CACNA1C: variants seen among roughly 807,000 people sequenced by gnomAD.
The protein encoded by CACNA1C is calcium voltage-gated channel subunit alpha1 C, also known as voltage-dependent L-type calcium channel subunit alpha-1C.
Under a neutral mutation model 229.0 loss-of-function variants are expected in CACNA1C, and 30 were observed. That is an observed-to-expected ratio of 0.13 (90% CI 0.10 to 0.18). The LOEUF (loss-of-function observed/expected upper bound fraction) is 0.18. CACNA1C is among the 10% of genes least tolerant of loss of function. CACNA1C has a pLI of 1.00. For synonymous variants in CACNA1C, 1,114 were observed against 1,132.5 expected (o/e 0.98, Z 0.33); for missense variants, 1,658 against 2,845.0 (o/e 0.58, Z 9.49).
intron 3 of CACNA1C, among the ~76,000 whole-genome samples, chr12:2,343,185 T>C (rs59604191): frequency 0.042 from 6,400 of 152,256 alleles, 342 homozygotes; most frequent in African/African-American, 0.12. Context: ...CCCAACCTTC[T>C]TTCTAGTTTG....
intron 3 of CACNA1C, among the ~76,000 whole-genome samples, chr12:2,305,950 A>C (rs902283859): frequency 1.3e-5 from 2 of 152,250 alleles, no homozygotes; most frequent in Middle Eastern, 3.4e-3. Context: ...TAAATATATT[A>C]CTCATATTAG....
chr12:2,457,668 G>A lies in CACNA1C; in HGVS notation c.719G>A (p.Arg240His). Residue 240 changes from arginine to histidine, a missense_variant, in exon 5 of 47, where the codon CGC (arginine) becomes CAC (histidine). Physicochemically the swap from Arg to His is conservative, Grantham distance 29 (BLOSUM62 0). This residue lies in a region of CACNA1C where 7 missense variants were observed against 72.4 expected (regional missense o/e 0.10). Coordinates refer to ENST00000399655, the MANE Select transcript of CACNA1C (RefSeq NM_000719.7). Reference protein sequence around the residue: ...GFDVKALRAFRVLRPLRLVSG... With the variant: ...GFDVKALRAFHVLRPLRLVSG... Reference sequence around the variant, plus strand: ...GATGTGAAGGCGCTGAGGGCCTTCCGCGTGCTGCGCCCCCTGCGGCTGGTG... The same window carrying A: ...GATGTGAAGGCGCTGAGGGCCTTCCACGTGCTGCGCCCCCTGCGGCTGGTG... 1 of 1,607,786 alleles carries A rather than the reference G, an allele frequency of 6.2e-7. No homozygotes were observed. The highest frequency in any genetic ancestry group is 8.5e-7 in the Non-Finnish European group (1 of 1,177,498).
chr12:2,325,858 G>A lies in CACNA1C; in HGVS notation c.478-123118G>A, dbSNP rs114753951. On this transcript the variant is annotated intron_variant, in intron 3 of 46. Transcript: ENST00000399655. ...ACAGCAGGAAGTTTTCCCTAGGCCA[G>A]GGAGGAAGAGGGGGACTGAAATAGG... 5.2e-3 allele frequency among the ~76,000 whole-genome samples: 790 copies of A among 152,354 alleles called. 7 individuals are homozygous for A. The highest frequency in any genetic ancestry group is 0.018 in the African/African-American group (750 of 41,570).
At chr12:2,428,357 T>C (rs1201859381) in intron 3 of CACNA1C, among the ~76,000 whole-genome samples, 2 of 152,140 alleles carry the variant, frequency 1.3e-5, no homozygotes, top group African/African-American at 2.4e-5. Context: ...CTCTCTTTGG[T>C]GGGAAGTTCC....
chr12:2,003,509 T>C (rs907550651), intron 1 of CACNA1C, among the ~76,000 whole-genome samples: 30 of 152,174 alleles, frequency 2.0e-4, no homozygotes, highest in Admixed American at 3.9e-4. Context: ...GGTTACAAAA[T>C]TACAAGCAGC....
chr12:2,512,749 C>G lies in CACNA1C; in HGVS notation c.1218-63C>G, dbSNP rs2099787575. ...CTCCATCTCTCCTTCCATCCTCGAC[C>G]CTTCTCGGTGCTCCCTCCTTCTCTG... On this transcript the variant is annotated intron_variant, in intron 8 of 46. Transcript: ENST00000399655. This position sits in a 1 kb window ranked among gnomAD's most constrained non-coding sequence, Gnocchi z 4.3. The G allele has an allele frequency of 7.8e-7, 1 of 1,283,284 alleles. No homozygotes were observed. The highest frequency in any genetic ancestry group is 1.6e-5 in the South Asian group (1 of 64,342). The allele number at this position is 1,283,284 out of a possible 1,614,324, so 79.5% of individuals were successfully genotyped here. A position where few individuals can be genotyped will look rare whatever the true frequency, so the allele number is the denominator to read the frequency against.
At chr12:2,288,881 T>C (rs1343894211) in intron 3 of CACNA1C, 3 of 152,148 alleles carry the variant, frequency 2.0e-5, no homozygotes, top group African/African-American at 2.4e-5. Flanking sequence ...ATGTAAATGG[T>C]GGGGCAACAC....
At position 2,226,165 on chromosome 12, in the gene CACNA1C, A is replaced by G. The variant is rs149952718; in HGVS notation, c.477+105735A>G. ...CACACACACACACACACACACACAC[A>G]CACACACAGTTTTCTTCATACAGGG... On this transcript the variant is annotated intron_variant, in intron 3 of 46. Coordinates refer to ENST00000399655, the MANE Select transcript of CACNA1C (RefSeq NM_000719.7). 5.0e-3 allele frequency among the ~76,000 whole-genome samples: 745 copies of G among 147,724 alleles called. 4 individuals carry two copies. The highest frequency in any genetic ancestry group is 0.018 in the Middle Eastern group (5 of 282).
intron 3 of CACNA1C, among the ~76,000 whole-genome samples, chr12:2,423,236 C>T (rs774221828): frequency 1.1e-4 from 16 of 152,018 alleles, no homozygotes; most frequent in Admixed American, 2.6e-4. Context: ...TCTCATGGTG[C>T]GTTTTATAGT....
At chr12:2,019,145 G>A (rs2045934319) in intron 1 of CACNA1C, among the ~76,000 whole-genome samples, 3 of 152,098 alleles carry the variant, frequency 2.0e-5, no homozygotes, top group Admixed American at 2.0e-4. Context: ...GAAAAACAGA[G>A]TTGGAGCTGA....
chr12:2,434,027 A>G (rs569780675), intron 3 of CACNA1C, among the ~76,000 whole-genome samples: 1 of 152,358 alleles, frequency 6.6e-6, no homozygotes, highest in Admixed American at 6.5e-5. Context: ...AAATGAGGAA[A>G]AACGCTATGC....
intron 29 of CACNA1C, among the ~76,000 whole-genome samples, chr12:2,627,571 G>A (rs978541994): frequency 3.3e-5 from 5 of 151,962 alleles, no homozygotes; most frequent in Admixed American, 6.5e-5. Context: ...TCTGCCCAGC[G>A]CCCTGCCTGG....
At chr12:2,369,692 C>A (rs112595974) in intron 3 of CACNA1C, among the ~76,000 whole-genome samples, 2 of 152,124 alleles carry the variant, frequency 1.3e-5, no homozygotes, top group Admixed American at 6.5e-5. Flanking sequence ...GTGTGAGCCA[C>A]CACGCCCAGC....
intron 21 of CACNA1C, among the ~76,000 whole-genome samples, chr12:2,598,594 G>A (rs1433352311): frequency 6.6e-6 from 1 of 152,192 alleles, no homozygotes; most frequent in Non-Finnish European, 1.5e-5. Flanking sequence ...CTCCCAAGGA[G>A]TCCAGGCTCC....
intron 1 of CACNA1C, among the ~76,000 whole-genome samples, chr12:2,007,062 T>C (rs2043597743): frequency 6.6e-6 from 1 of 152,236 alleles, no homozygotes; most frequent in South Asian, 2.1e-4. Flanking sequence ...CATATGTGCT[T>C]CTAAAAACAA....
chr12:2,231,347 G>A (rs1358295333), intron 3 of CACNA1C, among the ~76,000 whole-genome samples: 2 of 152,160 alleles, frequency 1.3e-5, no homozygotes, highest in Admixed American at 1.3e-4. Context: ...TCTCACTTAA[G>A]CCATTCCGTT....
Position 2,595,922 on chromosome 12 carries a change from C to G in CACNA1C, c.2712C>G (p.Asn904Lys). 6.2e-7 allele frequency: 1 copy of G among 1,613,786 alleles called. No individual in the cohort carries two copies. The highest frequency in any genetic ancestry group is 8.5e-7 in the Non-Finnish European group (1 of 1,179,824). ...TTGTCAATGACACGATCTTCACCAA[C>G]CTGATCCTCTTCTTCATTCTGCTCA... ...HRIVNDTIFT[N>K]LILFFILLSS... Residue 904 changes from asparagine to lysine, a missense_variant, in exon 20 of 47, where the codon AAC (asparagine) becomes AAG (lysine). Physicochemically the swap from Asn to Lys is moderately conservative, Grantham distance 94. Coordinates refer to ENST00000399655, the MANE Select transcript of CACNA1C (RefSeq NM_000719.7). The surrounding 1 kb of genome is among the most constrained non-coding windows in gnomAD (Gnocchi z 4.1).
rs949039845 is a variant in CACNA1C at position 2,206,892 on chromosome 12, A to G, written c.477+86462A>G. Among the ~76,000 whole-genome samples, 11 of 152,244 alleles carry G rather than the reference A, an allele frequency of 7.2e-5. No individual in the cohort carries two copies. In the South Asian group the frequency reaches 1.0e-3, roughly 14 times the overall value. ...TTTTAATACCCATGCTTCGTATTTTATACACATATTTTAATAAAATGATTT... is the reference window on the plus strand; with the variant it reads ...TTTTAATACCCATGCTTCGTATTTTGTACACATATTTTAATAAAATGATTT... On this transcript the variant is annotated intron_variant, in intron 3 of 46. Transcript: ENST00000399655.
chr12:2,174,838 G>A (rs1013602646), intron 3 of CACNA1C, among the ~76,000 whole-genome samples: 2 of 152,180 alleles, frequency 1.3e-5, no homozygotes, highest in African/African-American at 4.8e-5. Flanking sequence ...AAAAGCAAAT[G>A]TCATTAAGAA....
Sources: allele counts gnomAD v4.1 joint callset (sites outside exome capture counted in the v4.1 genomes callset), GRCh38; gene constraint gnomAD v4.1.1; regional missense constraint gnomAD v4.1.1; non-coding constraint Gnocchi (gnomAD v3.1); transcripts MANE v1.5; gene names NCBI Gene and HGNC (gene_info 2026-07-23, HGNC 2026-07-21).